The following TAF1C variants were observed in gnomAD, a reference collection of about 807,000 sequenced individuals.
TAF1C encodes the protein TATA-box binding protein associated factor, RNA polymerase I subunit C, also known as TATA box-binding protein-associated factor RNA polymerase I subunit C.
Under a neutral mutation model 70.5 loss-of-function variants are expected in TAF1C, and 79 were observed. The observed-to-expected ratio is 1.12, with a 90% CI of 0.93 to 1.35. The LOEUF (loss-of-function observed/expected upper bound fraction) is 1.35, where lower values mean the gene tolerates loss of function less well. Among genes scored for constraint, TAF1C ranks in the 40% most tolerant of loss-of-function variants. The pLI is 0.00. For missense variants in TAF1C, 1,412 were observed against 1,127.8 expected (o/e 1.25, Z -3.61); for synonymous variants, 614 against 491.1 (o/e 1.25, Z -3.31).
rs1000546493 is a variant in TAF1C, at chr16:84,183,636, G to A, written c.220+61C>T. 8.3e-6 allele frequency: 13 copies of A among 1,560,302 alleles called. No homozygotes were observed. The African/African-American group carries it at 1.6e-4, about 19-fold the overall frequency. On this transcript the variant is annotated intron_variant, in intron 3 of 14. Coordinates refer to ENST00000566732, the MANE Select transcript of TAF1C (RefSeq NM_001243156.2). ...CAGGGAGAGGAAGGTCTCAGGAGCG[G>A]GAGCAGTGGGAAGAATAGGTGGAGC... is the stretch of plus-strand genomic sequence containing the variant.
chr16:84,182,954 C>G lies in TAF1C; in HGVS notation c.482+122G>C. The G allele has an allele frequency of 1.0e-6, 1 of 964,982 alleles. No individual in the cohort carries two copies. Among genetic ancestry groups the G allele is most frequent in the East Asian group, 2.4e-5 (1 of 41,144 alleles). The allele number at this position is 964,982 out of a possible 1,614,324, so 59.8% of individuals were successfully genotyped here. A position where few individuals can be genotyped will look rare whatever the true frequency, so the allele number is the denominator to read the frequency against. On this transcript the variant is annotated intron_variant, in intron 6 of 14. Transcript: ENST00000566732. The surrounding 1 kb of genome is among the most constrained non-coding windows in gnomAD (Gnocchi z 5.0). ...AAGTCTGGTATAAGAAAGTACAGCT[C>G]AGACTGCATGGAGCAGGGGGGAAGT...
Position 84,178,005 on chromosome 16 carries a change from C to T in TAF1C, c.*936G>A. The T allele has an allele frequency of 1.5e-6, 1 of 674,966 alleles. No homozygotes were observed. The highest frequency in any genetic ancestry group is 2.1e-5 in the Admixed American group (1 of 48,134). 41.8% of individuals were successfully genotyped at this position (674,966 alleles called of 1,614,324 possible). ...CCAGCCAACCTGAAAAAAGACCTTTCTCTTACTATGTCATCAGAAACCAGA... is the reference window on the plus strand; with the variant it reads ...CCAGCCAACCTGAAAAAAGACCTTTTTCTTACTATGTCATCAGAAACCAGA... On this transcript the variant is annotated 3_prime_UTR_variant, in exon 15 of 15. Coordinates refer to ENST00000566732, the MANE Select transcript of TAF1C (RefSeq NM_001243156.2).
intron 1 of TAF1C, 150 bp from the exon 2 acceptor site, chr16:84,185,210 A>C: frequency 2.1e-6 from 1 of 472,364 alleles, no homozygotes; most frequent in South Asian, 3.8e-5. Context: ...TAGTGGGCTG[A>C]GGGCGTGGTT....
At chr16:84,181,516 C>G in intron 10 of TAF1C, 53 bp from the exon 11 acceptor site, 1 of 1,613,614 alleles carries the variant, frequency 6.2e-7, no homozygotes, top group Non-Finnish European at 8.5e-7. Context: ...GGGGAAGGGG[C>G]TCAAGGGTCG....
Position 84,179,519 on chromosome 16 carries a change from G to T in TAF1C, c.1954C>A (p.Arg652=), listed in dbSNP as rs61730960. 439 of 1,604,554 alleles carry T rather than the reference G, an allele frequency of 2.7e-4. 5 individuals carry two copies. The African/African-American group carries it at 5.3e-3, about 19-fold the overall frequency. ...ATGGCCTTGCGGAGCACACCCAGCC[G>T]CTGCCCTTCCTCTTCCTCCCTCCGC... ...ELRREEEEGQ[R]LGVLRKAMAR... is the part of the protein sequence containing the mutation. Residue 652 remains arginine, a synonymous_variant, in exon 15 of 15, where the codon CGG becomes AGG. Transcript: ENST00000566732.
rs1341926727 is a variant in TAF1C at position 84,186,988 on chromosome 16, A to G, written c.-160T>C. On this transcript the variant is annotated 5_prime_UTR_variant, in exon 1 of 15. Coordinates refer to ENST00000566732, the MANE Select transcript of TAF1C (RefSeq NM_001243156.2). ...TGGCACCACGAGGGAAATCTCAAGTAGAACCCCAGCTTTGGCACTCGGGAC... is the reference window on the plus strand; with the variant it reads ...TGGCACCACGAGGGAAATCTCAAGTGGAACCCCAGCTTTGGCACTCGGGAC... The G allele has an allele frequency of 6.6e-6, 1 of 152,220 alleles. No homozygotes were observed. Among genetic ancestry groups the G allele is most frequent in the Non-Finnish European group, 1.5e-5 (1 of 68,042 alleles). The allele number at this position is 152,220 out of a possible 1,614,324, so 9.4% of individuals were successfully genotyped here. A position where few individuals can be genotyped will look rare whatever the true frequency, so the allele number is the denominator to read the frequency against.
chr16:84,179,219 G>A lies in TAF1C; in HGVS notation c.2254C>T (p.Pro752Ser), dbSNP rs748423683. 1 of 1,584,656 alleles carries A rather than the reference G, an allele frequency of 6.3e-7. No homozygotes were observed. The highest frequency in any genetic ancestry group is 1.1e-5 in the South Asian group (1 of 88,918). ...AGAGCATCAGCAGGTGGCCACTCAG[G>A]GCTATGAGGGGAGCTGGTGTCCTCT... ...PSEDTSSPHS[P>S]EWPPADALPL... The change falls in exon 15 of 15, where the codon CCT becomes TCT. Residue 752 changes from proline to serine, a missense_variant. Coordinates refer to ENST00000566732, the MANE Select transcript of TAF1C (RefSeq NM_001243156.2).
In TAF1C at chr16:84,182,106, C is replaced by T. The variant is rs542027723; in HGVS notation, c.722-48G>A. On this transcript the variant is annotated intron_variant, in intron 7 of 14. Transcript: ENST00000566732. The surrounding 1 kb of genome is among the most constrained non-coding windows in gnomAD (Gnocchi z 5.0). Reference sequence around the variant, plus strand: ...GTGCACGAGCTATGATCACTGCAAGCCCCCCAAATTCCTGCCCTTCTCTGG... The same window carrying T: ...GTGCACGAGCTATGATCACTGCAAGTCCCCCAAATTCCTGCCCTTCTCTGG... 5 of 1,596,272 alleles carry T rather than the reference C, an allele frequency of 3.1e-6. No individual in the cohort carries two copies. The highest frequency in any genetic ancestry group is 2.3e-5 in the South Asian group (2 of 88,680).
Position 84,184,881 on chromosome 16 carries a change from A to G in TAF1C, c.108T>C (p.Thr36=), listed in dbSNP as rs754292573. The G allele has an allele frequency of 1.4e-5, 23 of 1,610,386 alleles. No homozygotes were observed. Among genetic ancestry groups the G allele is most frequent in the Non-Finnish European group, 2.0e-5 (23 of 1,178,566 alleles). ...SFMCSWRDAL[T]LPEAQPQNSE... ...AGTTCTGGGGCTGGGCCTCTGGCAG[A>G]GTCAGTGCGTCTCGCCAGCTGCACA... Residue 36 remains threonine, a synonymous_variant, in exon 2 of 15, where the codon ACT becomes ACC. Transcript: ENST00000566732.
rs1215500115 is a variant in TAF1C, at chr16:84,179,228, G to C, written c.2245C>G (p.Pro749Ala). The C allele has an allele frequency of 1.3e-6, 2 of 1,584,598 alleles. No individual in the cohort carries two copies. Among genetic ancestry groups the C allele is most frequent in the Non-Finnish European group, 1.7e-6 (2 of 1,171,920 alleles). Reference protein sequence around the residue: ...HVDPSEDTSSPHSPEWPPADA... With the variant: ...HVDPSEDTSSAHSPEWPPADA... ...GCAGGTGGCCACTCAGGGCTATGAG[G>C]GGAGCTGGTGTCCTCTGAGGGATCC... Residue 749 changes from proline (P) to alanine (A), a missense_variant, in exon 15 of 15, where the codon CCT (proline) becomes GCT (alanine). Physicochemically the swap from Pro to Ala is conservative, Grantham distance 27 (BLOSUM62 -1). Transcript: ENST00000566732.
rs144490798 is a variant in TAF1C, at chr16:84,179,068, G to A, written c.2405C>T (p.Thr802Ile). Residue 802 changes from threonine to isoleucine, a missense_variant, in exon 15 of 15, where the codon ACC becomes ATC. Physicochemically the swap from Thr to Ile is moderately conservative, Grantham distance 89. Transcript: ENST00000566732. ...GGGAGGTGTGGTGGCACAGCCTGGG[G>A]TGTCCCTCTGGGGTGGTAGCTTGGC... ...YMAKLPPQRDTPGCATTPPHS... is the reference protein window; with the variant it reads ...YMAKLPPQRDIPGCATTPPHS... The A allele has an allele frequency of 1.9e-5, 31 of 1,610,854 alleles. No homozygotes were observed. Among genetic ancestry groups the A allele is most frequent in the Admixed American group, 8.3e-5 (5 of 59,924 alleles).
At position 84,180,169 on chromosome 16, in the gene TAF1C, CCTG is replaced by C; in HGVS notation, c.1481_1483del (p.Ala494del). ...CCGCCCACCCTGGCCTGGACCCTCA[CCTG>C]CCAGGTGCAGCAGCTGCAGCTGCCC... On this transcript the variant is annotated inframe_deletion and splice_region_variant, in exon 13 of 15. Coordinates refer to ENST00000566732, the MANE Select transcript of TAF1C (RefSeq NM_001243156.2). 1 of 1,555,908 alleles carries C rather than the reference CCTG, an allele frequency of 6.4e-7. No individual in the cohort carries two copies. The highest frequency in any genetic ancestry group is 2.3e-5 in the East Asian group (1 of 43,692).
rs755079968 is a variant in TAF1C, at chr16:84,183,435, C to G, written c.293G>C (p.Arg98Pro). 2 of 1,612,376 alleles carry G rather than the reference C, an allele frequency of 1.2e-6. No individual in the cohort carries two copies. The highest frequency in any genetic ancestry group is 1.7e-5 in the Admixed American group (1 of 59,830). The change falls in exon 4 of 15, where the codon CGA becomes CCA. Residue 98 changes from arginine (R) to proline (P), a missense_variant. Arg to Pro is a moderately radical substitution (Grantham distance 103, BLOSUM62 -2). Transcript: ENST00000566732. ...RGGCRYRKRP[R>P]VVLDVTEQIS... is the part of the protein sequence containing the mutation. Reference sequence around the variant, plus strand: ...CTGCTCAGTCACATCCAGCACGACTCGGGGCCGCTTCCGATACCGGCACCC... The same window carrying G: ...CTGCTCAGTCACATCCAGCACGACTGGGGGCCGCTTCCGATACCGGCACCC...
rs2088859787 is a variant in TAF1C at position 84,178,330 on chromosome 16, A to G, written c.*611T>C. Reference sequence around the variant, plus strand: ...TCTCTGCATGAGCTCAGTGTCAGGTAGTAGCTGTGGCGGGACGCTGTCCAG... The same window carrying G: ...TCTCTGCATGAGCTCAGTGTCAGGTGGTAGCTGTGGCGGGACGCTGTCCAG... On this transcript the variant is annotated 3_prime_UTR_variant, in exon 15 of 15. Transcript: ENST00000566732. 2.2e-6 allele frequency: 1 copy of G among 456,944 alleles called. No homozygotes were observed. Among genetic ancestry groups the G allele is most frequent in the Non-Finnish European group, 4.4e-6 (1 of 227,124 alleles). 28.3% of individuals were successfully genotyped at this position (456,944 alleles called of 1,614,324 possible).
Position 84,180,005 on chromosome 16 carries a change from G to A in TAF1C, c.1562C>T (p.Pro521Leu). 6.2e-7 allele frequency: 1 copy of A among 1,612,110 alleles called. No homozygotes were observed. Among genetic ancestry groups the A allele is most frequent in the Non-Finnish European group, 8.5e-7 (1 of 1,179,738 alleles). Residue 521 changes from proline to leucine, a missense_variant, in exon 14 of 15, where the codon CCT becomes CTT. Physicochemically the swap from Pro to Leu is moderately conservative, Grantham distance 98. Coordinates refer to ENST00000566732, the MANE Select transcript of TAF1C (RefSeq NM_001243156.2). The stretch of plus-strand genomic sequence containing the variant: ...CCACTGGATCTTAGGCTCCAGCAGA[G>A]GAAATGCAGGGAGGGAGTCGATCCT... Reference protein sequence around the residue: ...PSRIDSLPAFPLLEPKIQWRL... With the variant: ...PSRIDSLPAFLLLEPKIQWRL...
At chr16:84,183,539 G>A (rs1357532819) in intron 3 of TAF1C, 32 bp from the exon 4 acceptor site, 3 of 1,587,574 alleles carry the variant, frequency 1.9e-6, no homozygotes, top group Non-Finnish European at 2.6e-6. Context: ...GGGCTGGGGA[G>A]GGCACAGGAG....
chr16:84,180,418 G>A lies in TAF1C; in HGVS notation c.1309-74C>T. On this transcript the variant is annotated intron_variant, in intron 12 of 14. Transcript: ENST00000566732. ...TGTGTAGTGGCCCTCCAGGCCCCAT[G>A]TGGCTCTCCAGGTGAGTGCAGAGCC... The A allele has an allele frequency of 3.4e-6, 5 of 1,455,194 alleles. No homozygotes were observed. In the South Asian group the frequency reaches 3.8e-5, roughly 11 times the overall value. The allele number at this position is 1,455,194 out of a possible 1,614,324, so 90.1% of individuals were successfully genotyped here.
Position 84,182,031 on chromosome 16 carries a change from C to G in TAF1C, c.749G>C (p.Gly250Ala), listed in dbSNP as rs1300277212. ...LHFQEVVLTP[G>A]DNPQFLGKPG... The stretch of plus-strand genomic sequence containing the variant: ...TTTCCCAAGGAATTGGGGATTGTCA[C>G]CTGGGGTCAGAACGACCTCTTGGAA... Residue 250 changes from glycine to alanine, a missense_variant, in exon 8 of 15, where the codon GGT (glycine) becomes GCT (alanine). Transcript: ENST00000566732. This position sits in a 1 kb window ranked among gnomAD's most constrained non-coding sequence, Gnocchi z 5.0. 1.9e-6 allele frequency: 3 copies of G among 1,613,350 alleles called. No individual in the cohort carries two copies. The highest frequency in any genetic ancestry group is 2.5e-6 in the Non-Finnish European group (3 of 1,180,012).
rs372107303 is a variant in TAF1C at position 84,182,482 on chromosome 16, C to G, written c.483-42G>C. ...AGCAGGAGGATCACTCGGTGGCACT[C>G]AGGGGAGGACAGGTCCCATCCCAAG... On this transcript the variant is annotated intron_variant, in intron 6 of 14. Transcript: ENST00000566732. The surrounding 1 kb of genome is among the most constrained non-coding windows in gnomAD (Gnocchi z 5.0). The G allele has an allele frequency of 7.8e-6, 12 of 1,547,162 alleles. No homozygotes were observed. Among genetic ancestry groups the G allele is most frequent in the African/African-American group, 1.4e-5 (1 of 73,894 alleles).
Sources: allele counts gnomAD v4.1 joint callset, GRCh38; gene constraint gnomAD v4.1.1; non-coding constraint Gnocchi (gnomAD v3.1); transcripts MANE v1.5; gene names NCBI Gene and HGNC (gene_info 2026-07-23, HGNC 2026-07-21).